The following NUMA1 variants were observed in gnomAD, a reference collection of about 807,000 sequenced individuals.
The protein encoded by NUMA1 is nuclear mitotic apparatus protein 1, also known as SP-H antigen.
Under a neutral mutation model 237.1 loss-of-function variants are expected in NUMA1, and 62 were observed. The observed-to-expected ratio is 0.26, with a 90% CI of 0.21 to 0.32. The LOEUF (loss-of-function observed/expected upper bound fraction) is 0.32, where lower values mean the gene tolerates loss of function less well. NUMA1 is among the 10% of genes least tolerant of loss of function. The pLI, the probability that NUMA1 is intolerant of heterozygous loss-of-function variation, is 1.00. For missense variants in NUMA1, 2,533 were observed against 2,666.5 expected (o/e 0.95, Z 1.10); for synonymous variants, 1,028 against 1,066.1 (o/e 0.96, Z 0.70).
chr11:72,009,019 G>C lies in NUMA1; in HGVS notation c.5006C>G (p.Ala1669Gly). 1 of 1,613,820 alleles carries C rather than the reference G, an allele frequency of 6.2e-7. No homozygotes were observed. Among genetic ancestry groups the C allele is most frequent in the African/African-American group, 1.3e-5 (1 of 75,024 alleles). Reference protein sequence around the residue: ...LQQAGLKTKEAEQTCRHLTAQ... With the variant: ...LQQAGLKTKEGEQTCRHLTAQ... ...AGTAAGGTGGCGGCAGGTCTGTTCAGCCTCCTTGGTCTTCAGCCCAGCCTG... is the reference window on the plus strand; with the variant it reads ...AGTAAGGTGGCGGCAGGTCTGTTCACCCTCCTTGGTCTTCAGCCCAGCCTG... The change falls in exon 19 of 27, where the codon GCT (alanine) becomes GGT (glycine). Residue 1669 changes from alanine to glycine, a missense_variant. Coordinates refer to ENST00000393695, the MANE Select transcript of NUMA1 (RefSeq NM_006185.4).
chr11:72,004,520 GAGAGAGGGAA>G (rs1379775546), intron 24 of NUMA1, 110 bp downstream of exon 24: 9 of 1,277,468 alleles, frequency 7.0e-6, no homozygotes, highest in South Asian at 5.4e-5. Context: ...CAGGCCCTTG[GAGAGAGGGAA>G]AGAGAGGGGG....
In NUMA1 at chr11:72,013,615, G is replaced by C. The variant is rs1371165802; in HGVS notation, c.3888C>G (p.Ser1296Arg). 6.2e-7 allele frequency: 1 copy of C among 1,611,102 alleles called. No individual in the cohort carries two copies. The highest frequency in any genetic ancestry group is 2.2e-5 in the East Asian group (1 of 44,858). Residue 1296 changes from serine to arginine, a missense_variant, in exon 15 of 27, where the codon AGC (serine) becomes AGG (arginine). Ser to Arg is a moderately radical substitution (Grantham distance 110, BLOSUM62 -1). This residue lies in a region of NUMA1 where 324 missense variants were observed against 407.6 expected (regional missense o/e 0.79). Transcript: ENST00000393695. The surrounding 1 kb of genome is among the most constrained non-coding windows in gnomAD (Gnocchi z 6.8). ...RSSALREEVQ[S>R]LREEAEKQRV... Reference sequence around the variant, plus strand: ...GCTGTTTCTCAGCCTCCTCCCGGAGGCTCTGCACCTCCTCCCGCAGAGCAG... The same window carrying C: ...GCTGTTTCTCAGCCTCCTCCCGGAGCCTCTGCACCTCCTCCCGCAGAGCAG...
Position 72,014,245 on chromosome 11 carries a change from G to T in NUMA1, c.3258C>A (p.Thr1086=). 2 of 1,613,986 alleles carry T rather than the reference G, an allele frequency of 1.2e-6. No individual in the cohort carries two copies. The highest frequency in any genetic ancestry group is 2.2e-5 in the South Asian group (2 of 91,088). Residue 1086 remains threonine, a synonymous_variant, in exon 15 of 27, where the codon ACC becomes ACA. Transcript: ENST00000393695. This position sits in a 1 kb window ranked among gnomAD's most constrained non-coding sequence, Gnocchi z 4.6. The stretch of plus-strand genomic sequence containing the variant: ...CCAGCTGTTCCTTCAGTTGCTTCAC[G>T]GTTTGCCGAAGTTCCTCCAGCTCTT... ...QIKELEELRQ[T]VKQLKEQLAK... is the part of the protein sequence containing the mutation.
rs1565180512 is a variant in NUMA1, at chr11:72,003,920, GGCA to G, written c.6300_6302del (p.Ala2102del). On this transcript the variant is annotated inframe_deletion, in exon 26 of 27. Coordinates refer to ENST00000393695, the MANE Select transcript of NUMA1 (RefSeq NM_006185.4). ...TGGCTCGAGGGGTGGCACCAATGGC[GGCA>G]GCAGTGGCGGCGCTGGCTGTGGTGG... The G allele has an allele frequency of 6.2e-7, 1 of 1,613,114 alleles. No homozygotes were observed. Among genetic ancestry groups the G allele is most frequent in the Non-Finnish European group, 8.5e-7 (1 of 1,179,710 alleles).
intron 17 of NUMA1, among the ~76,000 whole-genome samples, chr11:72,009,630 T>G (rs1164130196): frequency 1.3e-5 from 2 of 152,238 alleles, no homozygotes; most frequent in Non-Finnish European, 2.9e-5. Flanking sequence ...TATCTTTGCC[T>G]TCTTTGAGAC....
chr11:72,009,086 CTT>C lies in NUMA1; in HGVS notation c.4937_4938del (p.Lys1646ArgfsTer5), dbSNP rs753688149. 1.2e-6 allele frequency: 2 copies of C among 1,613,356 alleles called. No homozygotes were observed. The highest frequency in any genetic ancestry group is 1.1e-5 in the South Asian group (1 of 91,074). On this transcript the variant is annotated frameshift_variant, in exon 19 of 27. Coordinates refer to ENST00000393695, the MANE Select transcript of NUMA1 (RefSeq NM_006185.4). LOFTEE classifies it high-confidence loss of function. Reference protein sequence around the residue: ...RSLEQLQKENKELRAEAERLG... With the variant: ...RSLEQLQKENXELRAEAERLG... ...AGCCGTTCAGCTTCAGCTCGCAGCT[CTT>C]TGTTTTCCTTCTGCAGCTGCTCCAG...
chr11:72,076,169 T>A (rs781769190), intron 1 of NUMA1, among the ~76,000 whole-genome samples: 1 of 146,176 alleles, frequency 6.8e-6, no homozygotes, highest in Non-Finnish European at 1.5e-5. Context: ...AGCCCAGGAG[T>A]TCGAGACCAG....
intron 2 of NUMA1, among the ~76,000 whole-genome samples, chr11:72,052,526 G>A (rs1470398220): frequency 6.6e-6 from 1 of 152,170 alleles, no homozygotes; most frequent in African/African-American, 2.4e-5. Context: ...CCAGCACTTT[G>A]GGAGGCCAAG....
chr11:72,012,505 C>A (rs1956222377), intron 15 of NUMA1, 63 bp from the exon 16 acceptor site: 1 of 1,499,200 alleles, frequency 6.7e-7, no homozygotes, highest in Non-Finnish European at 9.3e-7. Context: ...ACCAGCCCTG[C>A]TGCCAGGCTG....
chr11:72,013,138 A>G lies in NUMA1; in HGVS notation c.4365T>C (p.Gly1455=). 1 of 1,613,968 alleles carries G rather than the reference A, an allele frequency of 6.2e-7. No individual in the cohort carries two copies. Among genetic ancestry groups the G allele is most frequent in the Admixed American group, 1.7e-5 (1 of 60,030 alleles). Reference sequence around the variant, plus strand: ...ACTGCCGGCCAAGGTTGGCCCGCTCACCCAGCCCCCGGTTCTCCTCTGCCA... The same window carrying G: ...ACTGCCGGCCAAGGTTGGCCCGCTCGCCCAGCCCCCGGTTCTCCTCTGCCA... ...GLLAEENRGL[G]ERANLGRQFL... is the part of the protein sequence containing the mutation. Residue 1455 remains glycine (G), a synonymous_variant, in exon 15 of 27, where the codon GGT becomes GGC. Coordinates refer to ENST00000393695, the MANE Select transcript of NUMA1 (RefSeq NM_006185.4). The surrounding 1 kb of genome is among the most constrained non-coding windows in gnomAD (Gnocchi z 6.8).
At chr11:72,004,612 AG>A (rs760985781) in intron 24 of NUMA1, 27 bp downstream of exon 24, 1 of 1,605,400 alleles carries the variant, frequency 6.2e-7, no homozygotes, top group Non-Finnish European at 8.5e-7. Context: ...ACAGTGCTGG[AG>A]TAACACCCAG....
rs200359938 is a variant in NUMA1, at chr11:72,012,413, C to T, written c.4638G>A (p.Glu1546=). 1.5e-5 allele frequency: 25 copies of T among 1,613,232 alleles called. No individual in the cohort carries two copies. The East Asian group carries it at 5.6e-4, about 36-fold the overall frequency. ...CCTCAGGCATTACCTGCTTAGTTTGCTCTCTCTGAAATACCTCTAGCTGCT... is the reference window on the plus strand; with the variant it reads ...CCTCAGGCATTACCTGCTTAGTTTGTTCTCTCTGAAATACCTCTAGCTGCT... ...QVEQLEVFQR[E]QTKQVEELSK... Residue 1546 remains glutamate, a synonymous_variant, in exon 16 of 27, where the codon GAG becomes GAA. Coordinates refer to ENST00000393695, the MANE Select transcript of NUMA1 (RefSeq NM_006185.4).
chr11:72,064,917 CAGAT>C (rs1415283030), intron 2 of NUMA1, among the ~76,000 whole-genome samples: 1 of 152,114 alleles, frequency 6.6e-6, no homozygotes, highest in Non-Finnish European at 1.5e-5. Context: ...TATTTATAGA[CAGAT>C]AGATATATCA....
chr11:72,056,760 C>A (rs1376278860), intron 2 of NUMA1, among the ~76,000 whole-genome samples: 2 of 151,180 alleles, frequency 1.3e-5, no homozygotes, highest in Non-Finnish European at 2.9e-5. Context: ...GGACATCTAC[C>A]AGTTATATAA....
In NUMA1 at chr11:72,004,680, C is replaced by T; in HGVS notation, c.5966G>A (p.Arg1989Gln). 1.2e-6 allele frequency: 2 copies of T among 1,613,414 alleles called. No individual in the cohort carries two copies. The highest frequency in any genetic ancestry group is 8.5e-7 in the Non-Finnish European group (1 of 1,179,934). ...TGITTRQQRK[R>Q]VSLEPHQGPG... ...GCCCTGGTGGGGCTCTAGGGAGACC[C>T]GTTTGCGCTGCTGCCGGGTGGTGAT... is the stretch of plus-strand genomic sequence containing the variant. Residue 1989 changes from arginine (R) to glutamine (Q), a missense_variant, in exon 24 of 27, where the codon CGG becomes CAG. Arg to Gln is a conservative substitution (Grantham distance 43, BLOSUM62 1). Around this residue, in one of 3 missense-constraint regions of NUMA1, gnomAD observed 795 missense variants for 750.8 expected, o/e 1.06. Coordinates refer to ENST00000393695, the MANE Select transcript of NUMA1 (RefSeq NM_006185.4).
intron 2 of NUMA1, among the ~76,000 whole-genome samples, chr11:72,044,667 CTT>C (rs1196162358): frequency 6.4e-5 from 8 of 125,540 alleles, no homozygotes; most frequent in Admixed American, 2.4e-4. Context: ...TGTATGTTTG[CTT>C]TTTTTTTTTT....
Position 72,008,767 on chromosome 11 carries a change from G to C in NUMA1, c.5137C>G (p.Gln1713Glu). 1.9e-6 allele frequency: 3 copies of C among 1,614,118 alleles called. No individual in the cohort carries two copies. Among genetic ancestry groups the C allele is most frequent in the Non-Finnish European group, 2.5e-6 (3 of 1,180,020 alleles). The change falls in exon 20 of 27, where the codon CAG becomes GAG. Residue 1713 changes from glutamine (Q) to glutamate (E), a missense_variant. Around this residue, in one of 3 missense-constraint regions of NUMA1, gnomAD observed 795 missense variants for 750.8 expected, o/e 1.06. Transcript: ENST00000393695. ...CTCAAGTCCAGCTGGGGCTTAGCCTGGGGCTCACGGCTCTTTAAAGCATCA... is the reference window on the plus strand; with the variant it reads ...CTCAAGTCCAGCTGGGGCTTAGCCTCGGGCTCACGGCTCTTTAAAGCATCA... Reference protein sequence around the residue: ...ATDALKSREPQAKPQLDLSID... With the variant: ...ATDALKSREPEAKPQLDLSID...
At position 72,003,452 on chromosome 11, in the gene NUMA1, G is replaced by A. The variant is rs1197145564; in HGVS notation, c.*75C>T. The A allele has an allele frequency of 2.8e-6, 4 of 1,443,148 alleles. No homozygotes were observed. The highest frequency in any genetic ancestry group is 4.5e-5 in the East Asian group (2 of 44,120). The allele number at this position is 1,443,148 out of a possible 1,614,324, so 89.4% of individuals were successfully genotyped here. On this transcript the variant is annotated 3_prime_UTR_variant, in exon 27 of 27. Transcript: ENST00000393695. ...CCTGGGAGCTGAGAGAAGGCACTGAGAGGGACAGTAGGCGGAGGACCAGGT... is the reference window on the plus strand; with the variant it reads ...CCTGGGAGCTGAGAGAAGGCACTGAAAGGGACAGTAGGCGGAGGACCAGGT...
At chr11:72,038,717 T>C (rs1428774277) in intron 2 of NUMA1, among the ~76,000 whole-genome samples, 2 of 151,886 alleles carry the variant, frequency 1.3e-5, no homozygotes, top group Non-Finnish European at 2.9e-5. Flanking sequence ...ATCCTTGCGA[T>C]TGTAGCCTGG....
Sources: allele counts gnomAD v4.1 joint callset (sites outside exome capture counted in the v4.1 genomes callset), GRCh38; gene constraint gnomAD v4.1.1; regional missense constraint gnomAD v4.1.1; non-coding constraint Gnocchi (gnomAD v3.1); transcripts MANE v1.5; gene names NCBI Gene and HGNC (gene_info 2026-07-23, HGNC 2026-07-21).